TEX9: variants seen among roughly 807,000 people sequenced by gnomAD.
TEX9 encodes testis-expressed protein 9.
A neutral mutation model predicts 59.6 loss-of-function variants in TEX9; 74 were observed. The observed-to-expected ratio is 1.24, with a 90% confidence interval of 1.03 to 1.51. The LOEUF is 1.51. TEX9 is among the 40% of genes most tolerant of loss of function. The pLI is 0.00. For missense variants in TEX9, 522 were observed against 447.8 expected, an observed-to-expected ratio of 1.17 and a Z score of -1.49; for synonymous variants, 186 against 152.2, an observed-to-expected ratio of 1.22 and a Z score of -1.64.
intron 4 of TEX9, among the ~76,000 whole-genome samples, chr15:56,387,605 A>AG (rs1216639339): frequency 6.6e-6 from 1 of 151,976 alleles, no homozygotes; most frequent in Non-Finnish European, 1.5e-5. Flanking sequence ...AGGAGTTCTC[A>AG]GGGGATATAG....
chr15:56,285,774 T>G (rs772350565), intron 1 of TEX9, among the ~76,000 whole-genome samples: 5 of 152,208 alleles, frequency 3.3e-5, no homozygotes, highest in Non-Finnish European at 5.9e-5. Flanking sequence ...TTCTTTATAA[T>G]GACTACATTT....
intron 1 of TEX9, among the ~76,000 whole-genome samples, chr15:56,247,098 C>T (rs2043876844): frequency 6.6e-6 from 1 of 152,132 alleles, no homozygotes; most frequent in Non-Finnish European, 1.5e-5. Flanking sequence ...TTAACTAACC[C>T]TCATTTTCCT....
Position 56,365,586 on chromosome 15 carries a change from GCGTTCCAGGGACTC to G in TEX9, c.42_55del (p.Gly15AlafsTer21), listed in dbSNP as rs2046904079. 6.2e-7 allele frequency: 1 copy of G among 1,614,096 alleles called. No homozygotes were observed. The highest frequency in any genetic ancestry group is 1.1e-5 in the South Asian group (1 of 91,094). Reference sequence around the variant, plus strand: ...TCTGTGGCTCTTTTACAGAGAAGCAGCGTTCCAGGGACTCCGTTCCCGCCACCCGTTCAGCAACC... The same window carrying G: ...TCTGTGGCTCTTTTACAGAGAAGCAGCGTTCCCGCCACCCGTTCAGCAACC... On this transcript the variant is annotated frameshift_variant, in exon 2 of 13. Transcript: ENST00000352903. LOFTEE classifies it high-confidence loss of function.
At chr15:56,416,888 A>T (rs1210640637) in intron 10 of TEX9, among the ~76,000 whole-genome samples, 1 of 151,648 alleles carries the variant, frequency 6.6e-6, no homozygotes, top group Non-Finnish European at 1.5e-5. Flanking sequence ...TTTGGAGCTC[A>T]TTATTGGTCT....
Position 56,431,524 on chromosome 15 carries a change from A to T in TEX9, c.*29+3051A>T, listed in dbSNP as rs1437933259. The T allele has an allele frequency of 2.5e-6, 4 of 1,612,422 alleles. No individual in the cohort carries two copies. The African/African-American group carries it at 4.0e-5, about 16-fold the overall frequency. On this transcript the variant is annotated intron_variant, in intron 12 of 12. Coordinates refer to ENST00000352903, the Ensembl canonical transcript of TEX9. ...CTGGAAATGCAGATCAAATTTTGTT[A>T]TCACAAAGTACATTAATCTTATACG... is the stretch of plus-strand genomic sequence containing the variant.
At chr15:56,279,901 A>G (rs899471207) in intron 1 of TEX9, among the ~76,000 whole-genome samples, 8 of 152,234 alleles carry the variant, frequency 5.3e-5, no homozygotes, top group African/African-American at 1.9e-4. Context: ...ACAAGTTTTC[A>G]ACTGTACAAT....
chr15:56,444,782 A>T (rs1157766203), intron 12 of TEX9: 22 of 1,010,618 alleles, frequency 2.2e-5, no homozygotes, highest in Admixed American at 5.0e-5. Flanking sequence ...CATAAAATAA[A>T]TTTTTTCATC....
At chr15:56,365,441 G>GA (rs1203608709) in exon 1 of TEX9, 1 of 1,609,618 alleles carries the variant, frequency 6.2e-7, no homozygotes, top group African/African-American at 1.3e-5. Flanking sequence ...CCGCGTCGCA[G>GA]TCGCCGAAGA....
intron 9 of TEX9, among the ~76,000 whole-genome samples, chr15:56,405,512 GT>G (rs1410040378): frequency 6.6e-6 from 1 of 152,082 alleles, no homozygotes; most frequent in African/African-American, 2.4e-5. Context: ...CTCTTTAAGA[GT>G]TTAATACTTG....
At chr15:56,246,893 G>C (rs537225754) in intron 1 of TEX9, among the ~76,000 whole-genome samples, 2 of 152,216 alleles carry the variant, frequency 1.3e-5, no homozygotes, top group South Asian at 4.2e-4. Context: ...AAATAATGAT[G>C]TACATCAGAG....
downstream of TEX9, among the ~76,000 whole-genome samples, chr15:56,449,567 G>A (rs77350301): frequency 0.029 from 4,418 of 152,174 alleles, 240 homozygotes; most frequent in African/African-American, 0.1. Context: ...TTCTCATATC[G>A]TATTCAGGTA....
intron 1 of TEX9, among the ~76,000 whole-genome samples, chr15:56,284,509 A>G (rs1366915271): frequency 1.3e-5 from 2 of 152,082 alleles, no homozygotes; most frequent in Non-Finnish European, 2.9e-5. Flanking sequence ...ATTAATTAAA[A>G]TAAGGAATAT....
At chr15:56,334,898 T>G (rs2046229987) in intron 1 of TEX9, among the ~76,000 whole-genome samples, 1 of 152,148 alleles carries the variant, frequency 6.6e-6, no homozygotes, top group Non-Finnish European at 1.5e-5. Flanking sequence ...AACAGGTATA[T>G]GAAAAGGTGC....
Position 56,324,882 on chromosome 15 carries a change from T to C in TEX9, c.-106-48559T>C, listed in dbSNP as rs142665351. Among the ~76,000 whole-genome samples, 162 of 152,320 alleles carry C rather than the reference T, an allele frequency of 1.1e-3. 2 individuals are homozygous for C. The highest frequency in any genetic ancestry group is 3.7e-3 in the African/African-American group (155 of 41,580). On this transcript the variant is annotated intron_variant, in intron 1 of 5. Coordinates refer to the TEX9 transcript ENST00000560827. ...GTTGTGTGACTGCTTTTATTCCTTCTTACTGAAGAACATGTGTAAGTGTGG... is the reference window on the plus strand; with the variant it reads ...GTTGTGTGACTGCTTTTATTCCTTCCTACTGAAGAACATGTGTAAGTGTGG...
At chr15:56,382,843 G>C (rs1047393818) in intron 3 of TEX9, among the ~76,000 whole-genome samples, 1 of 152,192 alleles carries the variant, frequency 6.6e-6, no homozygotes, top group East Asian at 1.9e-4. Flanking sequence ...GTTGGGGAAG[G>C]CATGGCATAA....
chr15:56,319,127 A>T (rs2713901), intron 1 of TEX9, among the ~76,000 whole-genome samples: 2 of 151,978 alleles, frequency 1.3e-5, no homozygotes, highest in Non-Finnish European at 2.9e-5. Context: ...AATCTGTATC[A>T]TCCATCTGTA....
intron 1 of TEX9, among the ~76,000 whole-genome samples, chr15:56,261,738 G>C (rs1394344253): frequency 1.3e-5 from 2 of 151,918 alleles, no homozygotes; most frequent in Non-Finnish European, 2.9e-5. Flanking sequence ...ATTATTAACT[G>C]TACCAGGTCA....
intron 1 of TEX9, among the ~76,000 whole-genome samples, chr15:56,323,885 A>G (rs1375179240): frequency 2.0e-5 from 3 of 152,106 alleles, no homozygotes. Flanking sequence ...CTTTTAAAGA[A>G]AATAATTGAA....
intron 1 of TEX9, among the ~76,000 whole-genome samples, chr15:56,350,290 G>A (rs1308134914): frequency 6.6e-6 from 1 of 152,118 alleles, no homozygotes; most frequent in East Asian, 1.9e-4. Flanking sequence ...GTAATGTCCA[G>A]AGATTCAAAT....
Sources: allele counts gnomAD v4.1 joint callset (sites outside exome capture counted in the v4.1 genomes callset), GRCh38; gene constraint gnomAD v4.1.1; transcripts MANE v1.5; gene names NCBI Gene and HGNC (gene_info 2026-07-23, HGNC 2026-07-21).